Variants in VPS36 observed in about 807,000 individuals in gnomAD.
VPS36 encodes vacuolar protein sorting 36 homolog.
VPS36 carries 31 observed loss-of-function variants against 63.5 expected under a neutral mutation model. The observed-to-expected ratio is 0.49, with a 90% CI of 0.37 to 0.66. The LOEUF (loss-of-function observed/expected upper bound fraction) is 0.66. Among genes scored for constraint, VPS36 ranks in the 30% least tolerant of loss-of-function variants. The probability of loss-of-function intolerance (pLI) is 0.00; values close to 1 mark genes in which losing one functional copy is unlikely to be tolerated. For synonymous variants in VPS36, 138 were observed against 157.2 expected, an observed-to-expected ratio of 0.88 and a Z score of 0.91; for missense variants, 338 against 463.7, an observed-to-expected ratio of 0.73 and a Z score of 2.49.
At chr13:52,443,781 C>T (rs905269640) in intron 1 of VPS36, among the ~76,000 whole-genome samples, 2 of 152,130 alleles carry the variant, frequency 1.3e-5, no homozygotes, top group African/African-American at 4.8e-5. Flanking sequence ...AAAACTTTAA[C>T]CCTTACTACT....
chr13:52,433,840 GA>G, intron 5 of VPS36, 92 bp from the exon 6 acceptor site: 2 of 1,103,752 alleles, frequency 1.8e-6, no homozygotes, highest in Non-Finnish European at 2.6e-6. Context: ...TCAATGGCGG[GA>G]AAGGACCTAC....
chr13:52,439,317 TA>T (rs1219903442), intron 2 of VPS36, 149 bp from the exon 3 acceptor site: 2 of 625,852 alleles, frequency 3.2e-6, no homozygotes, highest in Non-Finnish European at 5.0e-6. Flanking sequence ...TAAATGAACT[TA>T]AGGAAAAATT....
intron 1 of VPS36, among the ~76,000 whole-genome samples, chr13:52,445,430 G>A (rs994352172): frequency 4.0e-5 from 6 of 151,674 alleles, no homozygotes; most frequent in Non-Finnish European, 5.9e-5. Context: ...ACGAGGTCAG[G>A]AGATCGAGAC....
At chr13:52,416,908 T>A (rs1445881598) in intron 12 of VPS36, 149 bp downstream of exon 12, 2 of 642,138 alleles carry the variant, frequency 3.1e-6, no homozygotes, top group Admixed American at 3.0e-5. Context: ...TATTGATTCA[T>A]TGTTAGTGAT....
intron 6 of VPS36, among the ~76,000 whole-genome samples, chr13:52,428,391 C>A (rs1958124621): frequency 6.6e-6 from 1 of 152,182 alleles, no homozygotes; most frequent in African/African-American, 2.4e-5. Context: ...TTATGCCCAT[C>A]TGCAGGAAAG....
At chr13:52,417,947 G>T in intron 11 of VPS36, 45 bp downstream of exon 11, 2 of 1,564,578 alleles carry the variant, frequency 1.3e-6, no homozygotes, top group South Asian at 1.1e-5. Flanking sequence ...ACCCCATGCA[G>T]AATCATGGTT....
intron 3 of VPS36, among the ~76,000 whole-genome samples, chr13:52,438,510 C>T (rs192565621): frequency 6.6e-6 from 1 of 152,226 alleles, no homozygotes; most frequent in Non-Finnish European, 1.5e-5. Flanking sequence ...TATCCCATGC[C>T]GATAATATTT....
chr13:52,421,144 T>TA (rs933077662), intron 10 of VPS36, among the ~76,000 whole-genome samples: 1 of 151,796 alleles, frequency 6.6e-6, no homozygotes, highest in Non-Finnish European at 1.5e-5. Flanking sequence ...TTTTAAAGGT[T>TA]AAAAAAAATG....
At chr13:52,430,379 TC>T (rs1398343834) in intron 6 of VPS36, among the ~76,000 whole-genome samples, 1 of 152,136 alleles carries the variant, frequency 6.6e-6, no homozygotes, top group African/African-American at 2.4e-5. Context: ...ACGCCTGTAA[TC>T]CCAGCACTTT....
intron 1 of VPS36, among the ~76,000 whole-genome samples, chr13:52,444,423 G>C (rs1037030248): frequency 1.3e-5 from 2 of 151,096 alleles, no homozygotes; most frequent in East Asian, 3.9e-4. Context: ...TCGCGCCACT[G>C]CACTCCAGCC....
At chr13:52,450,467 C>T (rs1958390966) in intron 1 of VPS36, 32 bp downstream of exon 1, 6 of 1,575,558 alleles carry the variant, frequency 3.8e-6, no homozygotes, top group Admixed American at 3.5e-5. Context: ...TCCCTTCCGC[C>T]AGCCCGTTGG....
rs746591563 is a variant in VPS36, at chr13:52,442,447, TAGAA to T, written c.97-6_97-3del. On this transcript the variant is annotated splice_polypyrimidine_tract_variant and splice_region_variant and intron_variant, in intron 1 of 13. Coordinates refer to ENST00000378060, the MANE Select transcript of VPS36 (RefSeq NM_016075.4). ...GAGAGTCCCAGCATCAAATTTTATC[TAGAA>T]AGAAAGAGCATCACAAAATATTAAT... The T allele has an allele frequency of 2.2e-5, 35 of 1,609,504 alleles. No individual in the cohort carries two copies. In the African/African-American group the frequency reaches 2.8e-4, roughly 13 times the overall value.
chr13:52,440,705 C>G (rs1029448306), intron 2 of VPS36, among the ~76,000 whole-genome samples: 2 of 152,170 alleles, frequency 1.3e-5, no homozygotes, highest in Non-Finnish European at 2.9e-5. Context: ...AAAAATTATA[C>G]TAAGATTAAC....
At chr13:52,418,134 C>T in intron 10 of VPS36, 78 bp from the exon 11 acceptor site, 1 of 1,263,976 alleles carries the variant, frequency 7.9e-7, no homozygotes, top group Middle Eastern at 1.9e-4. Context: ...TTAAAATTAC[C>T]ATTTATCAAT....
chr13:52,439,246 C>T, intron 2 of VPS36, 78 bp from the exon 3 acceptor site: 1 of 1,209,198 alleles, frequency 8.3e-7, no homozygotes, highest in Non-Finnish European at 1.2e-6. Flanking sequence ...TGTTTTATAG[C>T]ATTACAGTGC....
At chr13:52,435,177 G>T (rs978773354) in intron 4 of VPS36, among the ~76,000 whole-genome samples, 8 of 151,764 alleles carry the variant, frequency 5.3e-5, no homozygotes, top group Admixed American at 5.2e-4. Flanking sequence ...CTCCATATTG[G>T]TCAGGCTGGT....
chr13:52,440,520 C>G (rs983954624), intron 2 of VPS36, among the ~76,000 whole-genome samples: 22 of 151,658 alleles, frequency 1.5e-4, no homozygotes, highest in African/African-American at 4.8e-4. Context: ...CTCAAACTCC[C>G]AACATCAGGT....
chr13:52,434,003 T>TA (rs1322154433), intron 5 of VPS36, among the ~76,000 whole-genome samples: 1 of 152,216 alleles, frequency 6.6e-6, no homozygotes, highest in Non-Finnish European at 1.5e-5. Flanking sequence ...AGAGATAAGT[T>TA]AAATTTCCTA....
At chr13:52,442,060 G>A (rs917712762) in intron 2 of VPS36, among the ~76,000 whole-genome samples, 2 of 152,162 alleles carry the variant, frequency 1.3e-5, no homozygotes, top group African/African-American at 4.8e-5. Context: ...GGGACGACAC[G>A]CTAACTCCTG....
Sources: allele counts gnomAD v4.1 joint callset (sites outside exome capture counted in the v4.1 genomes callset), GRCh38; gene constraint gnomAD v4.1.1; transcripts MANE v1.5; gene names NCBI Gene and HGNC (gene_info 2026-07-23, HGNC 2026-07-21).